MSH5: variants seen among roughly 807,000 people sequenced by gnomAD.
The protein encoded by MSH5 is mutS homolog 5.
MSH5 carries 78 observed loss-of-function variants against 107.7 expected under a neutral mutation model. The observed-to-expected ratio is 0.72, with a 90% confidence interval of 0.60 to 0.87. The LOEUF (loss-of-function observed/expected upper bound fraction) is 0.87. Ranked by LOEUF, MSH5 falls within the 40% of genes least tolerant of loss-of-function variation. MSH5 has a pLI of 0.00. For missense variants in MSH5, 889 were observed against 1,046.6 expected, an observed-to-expected ratio of 0.85 and a Z score of 2.08; for synonymous variants, 326 against 399.5, an observed-to-expected ratio of 0.82 and a Z score of 2.19.
chr6:31,758,049 TC>T lies in MSH5; in HGVS notation c.1015-113del. On this transcript the variant is annotated intron_variant, in intron 12 of 24. Coordinates refer to ENST00000375750, the MANE Select transcript of MSH5 (RefSeq NM_172166.4). The surrounding 1 kb of genome is among the most constrained non-coding windows in gnomAD (Gnocchi z 5.1). ...CTGTTTCTTTTTGCCTTTGAGATCT[TC>T]CCTCTTTGTTACTGTGATCTTCCCT... 1 of 1,305,786 alleles carries T rather than the reference TC, an allele frequency of 7.7e-7. No individual in the cohort carries two copies. Among genetic ancestry groups the T allele is most frequent in the Non-Finnish European group, 1.1e-6 (1 of 930,876 alleles). 80.9% of individuals were successfully genotyped at this position (1,305,786 alleles called of 1,614,324 possible).
In MSH5 at chr6:31,740,532, C is replaced by T; in HGVS notation, c.66C>T (p.Ser22=). 1 of 1,544,354 alleles carries T rather than the reference C, an allele frequency of 6.5e-7. No homozygotes were observed. The highest frequency in any genetic ancestry group is 8.7e-7 in the Non-Finnish European group (1 of 1,144,642). The part of the protein sequence containing the change: ...PQGPRPGAAS[S]GFPSPAPVPG... Reference sequence around the variant, plus strand: ...GACCGAGACCTGGGGCGGCCTCCTCCGGCTTCCCCAGCCCGGCCCCAGTGC... The same window carrying T: ...GACCGAGACCTGGGGCGGCCTCCTCTGGCTTCCCCAGCCCGGCCCCAGTGC... The change falls in exon 2 of 25, where the codon TCC becomes TCT. Residue 22 remains serine (S), a synonymous_variant. Transcript: ENST00000375750. This position sits in a 1 kb window ranked among gnomAD's most constrained non-coding sequence, Gnocchi z 4.4.
At position 31,741,376 on chromosome 6, in the gene MSH5, CACACACAT is replaced by C. The variant is rs1485345349; in HGVS notation, c.271+92_271+99del. On this transcript the variant is annotated intron_variant, in intron 3 of 24. Transcript: ENST00000375750. ...ACACACACACACACACACACACACA[CACACACAT>C]ATTTTTTTTTTCTAGACAGAGTCTT... The C allele has an allele frequency of 1.1e-3, 885 of 822,890 alleles. 11 individuals carry two copies. Among genetic ancestry groups the C allele is most frequent in the Admixed American group, 7.2e-3 (224 of 30,938 alleles). The allele number at this position is 822,890 out of a possible 1,614,324, so 51.0% of individuals were successfully genotyped here.
chr6:31,746,046 G>A (rs12177823), intron 9 of MSH5: 6,164 of 148,048 alleles, frequency 0.042, 183 homozygotes, highest in East Asian at 0.13. Flanking sequence ...GATTACAGGC[G>A]TGAGCCACCG....
chr6:31,741,271 A>AG lies in MSH5; in HGVS notation c.256_257insG (p.Lys86ArgfsTer9). 6.2e-7 allele frequency: 1 copy of AG among 1,611,524 alleles called. No homozygotes were observed. Among genetic ancestry groups the AG allele is most frequent in the Non-Finnish European group, 8.5e-7 (1 of 1,179,366 alleles). ...AGATGCCCCAGACCACGAGAGCCTC[A>AG]AGCTTCTCCAGAGAGGTGGGGATGG... On this transcript the variant is annotated frameshift_variant, in exon 3 of 25. Transcript: ENST00000375750. LOFTEE classifies it high-confidence loss of function.
rs199585453 is a variant in MSH5 at position 31,741,384 on chromosome 6, T to C, written c.271+98T>C. On this transcript the variant is annotated intron_variant, in intron 3 of 24. Transcript: ENST00000375750. The stretch of plus-strand genomic sequence containing the variant: ...ACACACACACACACACACACACACA[T>C]ATTTTTTTTTTCTAGACAGAGTCTT... 6,963 of 1,030,800 alleles carry C rather than the reference T, an allele frequency of 6.8e-3. 126 individuals carry two copies. Among genetic ancestry groups the C allele is most frequent in the South Asian group, 0.017 (743 of 43,680 alleles). 63.9% of individuals were successfully genotyped at this position (1,030,800 alleles called of 1,614,324 possible). A position where few individuals can be genotyped will look rare whatever the true frequency, so the allele number is the denominator to read the frequency against.
rs775300586 is a variant in MSH5 at position 31,758,318 on chromosome 6, C to T, written c.1143+25C>T. The T allele has an allele frequency of 3.7e-6, 6 of 1,610,762 alleles. No individual in the cohort carries two copies. The highest frequency in any genetic ancestry group is 2.2e-5 in the South Asian group (2 of 90,974). ...AGTGAGTAGAAGGAAAAAGGGAGTG[C>T]ACCCAGGGAGGTCAGGGAGAGAGAA... is the stretch of plus-strand genomic sequence containing the variant. On this transcript the variant is annotated intron_variant, in intron 13 of 24. Coordinates refer to ENST00000375750, the MANE Select transcript of MSH5 (RefSeq NM_172166.4). This position sits in a 1 kb window ranked among gnomAD's most constrained non-coding sequence, Gnocchi z 5.1.
In MSH5 at chr6:31,759,143, C is replaced by T. The variant is rs776019613; in HGVS notation, c.1373C>T (p.Ala458Val). The change falls in exon 16 of 25, where the codon GCC (alanine) becomes GTC (valine). Residue 458 changes from alanine to valine, a missense_variant. Ala to Val is a moderately conservative substitution (Grantham distance 64). Transcript: ENST00000375750. This position sits in a 1 kb window ranked among gnomAD's most constrained non-coding sequence, Gnocchi z 4.7. ...CCCCGCCTGCCTTCCATGGTAGAGG[C>T]CAGTGACTTTGAGATTAATGGACTG... is the stretch of plus-strand genomic sequence containing the variant. The part of the protein sequence containing the change: ...SIPRLPSMVE[A>V]SDFEINGLDF... 2 of 1,612,958 alleles carry T rather than the reference C, an allele frequency of 1.2e-6. No individual in the cohort carries two copies. Among genetic ancestry groups the T allele is most frequent in the Admixed American group, 1.7e-5 (1 of 60,008 alleles).
rs774800450 is a variant in MSH5, at chr6:31,761,640, G to A, written c.2181+25G>A. 33 of 1,613,746 alleles carry A rather than the reference G, an allele frequency of 2.0e-5. No individual in the cohort carries two copies. Among genetic ancestry groups the A allele is most frequent in the South Asian group, 1.2e-4 (11 of 91,090 alleles). Reference sequence around the variant, plus strand: ...GGTGAGGAGACCAATCTAGCTCCTCGGGGACCCCCAGGCTGGGCATTTCCC... The same window carrying A: ...GGTGAGGAGACCAATCTAGCTCCTCAGGGACCCCCAGGCTGGGCATTTCCC... On this transcript the variant is annotated intron_variant, in intron 22 of 24. Coordinates refer to ENST00000375750, the MANE Select transcript of MSH5 (RefSeq NM_172166.4). This position sits in a 1 kb window ranked among gnomAD's most constrained non-coding sequence, Gnocchi z 5.3.
In MSH5 at chr6:31,740,364, A is replaced by C; in HGVS notation, c.-13-90A>C. 1.5e-6 allele frequency: 2 copies of C among 1,375,252 alleles called. No individual in the cohort carries two copies. Among genetic ancestry groups the C allele is most frequent in the South Asian group, 2.7e-5 (2 of 73,696 alleles). The allele number at this position is 1,375,252 out of a possible 1,614,324, so 85.2% of individuals were successfully genotyped here. Reference sequence around the variant, plus strand: ...TGCCCCGCAGCCCTGTAGCAGAAGTACTTAGTGCTTTGCATTCTGCGCGCC... The same window carrying C: ...TGCCCCGCAGCCCTGTAGCAGAAGTCCTTAGTGCTTTGCATTCTGCGCGCC... On this transcript the variant is annotated intron_variant, in intron 1 of 24. Coordinates refer to ENST00000375750, the MANE Select transcript of MSH5 (RefSeq NM_172166.4). This position sits in a 1 kb window ranked among gnomAD's most constrained non-coding sequence, Gnocchi z 4.4.
At chr6:31,746,625 A>G (rs1809489449) in intron 9 of MSH5, among the ~76,000 whole-genome samples, 1 of 149,322 alleles carries the variant, frequency 6.7e-6, no homozygotes. Flanking sequence ...ATTTTTTTGT[A>G]TTTTTAGTAG....
At chr6:31,757,299 C>T (rs1810530694) in intron 12 of MSH5, 1 of 152,238 alleles carries the variant, frequency 6.6e-6, no homozygotes, top group Non-Finnish European at 1.5e-5. Context: ...CGCCCGCCAC[C>T]ACGCCTGGCT....
Position 31,760,818 on chromosome 6 carries a change from C to T in MSH5, c.1941C>T (p.Thr647=), listed in dbSNP as rs1554211198. 8.1e-6 allele frequency: 13 copies of T among 1,612,902 alleles called. No individual in the cohort carries two copies. The highest frequency in any genetic ancestry group is 1.1e-5 in the Non-Finnish European group (13 of 1,179,998). The part of the protein sequence containing the change: ...SCESISLGLS[T]FMIDLNQVAK... ...AATCCATCTCCCTTGGCCTCTCCAC[C>T]TTCATGATCGACCTCAACCAGGTCA... Residue 647 remains threonine (T), a synonymous_variant, in exon 20 of 25, where the codon ACC becomes ACT. Coordinates refer to ENST00000375750, the MANE Select transcript of MSH5 (RefSeq NM_172166.4). This position sits in a 1 kb window ranked among gnomAD's most constrained non-coding sequence, Gnocchi z 5.6.
In MSH5 at chr6:31,761,042, G is replaced by A. The variant is rs762994209; in HGVS notation, c.1963-146G>A. 3 of 999,790 alleles carry A rather than the reference G, an allele frequency of 3.0e-6. No homozygotes were observed. The African/African-American group carries it at 4.9e-5, about 16-fold the overall frequency. The allele number at this position is 999,790 out of a possible 1,614,324, so 61.9% of individuals were successfully genotyped here. Reference sequence around the variant, plus strand: ...TCATGTGAGTCACTGTTGGCAAAGAGGATGAACAAAGCGTGCACCTCACCA... The same window carrying A: ...TCATGTGAGTCACTGTTGGCAAAGAAGATGAACAAAGCGTGCACCTCACCA... On this transcript the variant is annotated intron_variant, in intron 20 of 24. Coordinates refer to ENST00000375750, the MANE Select transcript of MSH5 (RefSeq NM_172166.4). The surrounding 1 kb of genome is among the most constrained non-coding windows in gnomAD (Gnocchi z 5.3).
chr6:31,758,703 A>G lies in MSH5; in HGVS notation c.1217-63A>G. 1.2e-6 allele frequency: 2 copies of G among 1,609,514 alleles called. No individual in the cohort carries two copies. Among genetic ancestry groups the G allele is most frequent in the Non-Finnish European group, 1.7e-6 (2 of 1,175,928 alleles). Reference sequence around the variant, plus strand: ...TGGCAGGTGGTCACCACAGCTGGGGATCTTCATAGCAACCAGGGCAGGAGA... The same window carrying G: ...TGGCAGGTGGTCACCACAGCTGGGGGTCTTCATAGCAACCAGGGCAGGAGA... On this transcript the variant is annotated intron_variant, in intron 14 of 24. Coordinates refer to ENST00000375750, the MANE Select transcript of MSH5 (RefSeq NM_172166.4). This position sits in a 1 kb window ranked among gnomAD's most constrained non-coding sequence, Gnocchi z 5.1.
At chr6:31,747,300 C>A in intron 9 of MSH5, 87 bp from the exon 10 acceptor site, 1 of 1,440,192 alleles carries the variant, frequency 6.9e-7, no homozygotes, top group Non-Finnish European at 9.7e-7. Flanking sequence ...CACCTCTGAC[C>A]TGGATGCCTC....
intron 9 of MSH5, among the ~76,000 whole-genome samples, chr6:31,746,957 C>CT (rs772291693): frequency 1.3e-5 from 2 of 152,082 alleles, no homozygotes; most frequent in Non-Finnish European, 2.9e-5. Context: ...GTAGCTGGGA[C>CT]TACAGGTGCC....
Position 31,755,158 on chromosome 6 carries a change from T to A in MSH5, c.1014+1529T>A, listed in dbSNP as rs1182067087. Among the ~76,000 whole-genome samples the A allele has an allele frequency of 2.6e-5, 4 of 152,120 alleles. No individual in the cohort carries two copies. The East Asian group carries it at 7.7e-4, about 29-fold the overall frequency. The stretch of plus-strand genomic sequence containing the variant: ...ATTTGGTATCATCAAATATCTGAAA[T>A]TTTTCTTTTTTGAGACAGGGTCTCA... On this transcript the variant is annotated intron_variant, in intron 12 of 24. Transcript: ENST00000375750.
intron 10 of MSH5, among the ~76,000 whole-genome samples, chr6:31,750,921 T>C (rs1283053186): frequency 6.6e-6 from 1 of 152,162 alleles, no homozygotes; most frequent in Non-Finnish European, 1.5e-5. Flanking sequence ...AGTCTCACAC[T>C]CTCATGGCCA....
chr6:31,749,937 T>A (rs1384754261), intron 10 of MSH5, among the ~76,000 whole-genome samples: 1 of 152,172 alleles, frequency 6.6e-6, no homozygotes, highest in African/African-American at 2.4e-5. Context: ...GGAGTTAATT[T>A]AGGATAATCT....
Sources: allele counts gnomAD v4.1 joint callset (sites outside exome capture counted in the v4.1 genomes callset), GRCh38; gene constraint gnomAD v4.1.1; non-coding constraint Gnocchi (gnomAD v3.1); transcripts MANE v1.5; gene names NCBI Gene and HGNC (gene_info 2026-07-23, HGNC 2026-07-21).